Variants in CSMD1 observed in about 807,000 individuals in gnomAD.
The protein encoded by CSMD1 is CUB and sushi domain-containing protein 1.
Under a neutral mutation model 417.5 loss-of-function variants are expected in CSMD1, and 213 were observed. That is an observed-to-expected ratio of 0.51 (90% CI 0.46 to 0.57). The LOEUF (loss-of-function observed/expected upper bound fraction) is 0.57. Among genes scored for constraint, CSMD1 ranks in the 20% least tolerant of loss-of-function variants. CSMD1 has a pLI of 0.00. For synonymous variants in CSMD1, 2,862 were observed against 1,736.8 expected (o/e 1.65, Z -16.11); for missense variants, 6,923 against 4,529.7 (o/e 1.53, Z -15.17).
chr8:3,845,372 C>T lies in CSMD1; in HGVS notation c.819-91330G>A, dbSNP rs1022553014. 2.6e-5 allele frequency among the ~76,000 whole-genome samples: 4 copies of T among 152,176 alleles called. No individual in the cohort carries two copies. The East Asian group carries it at 7.7e-4, about 29-fold the overall frequency. On this transcript the variant is annotated intron_variant, in intron 5 of 69. Coordinates refer to ENST00000635120, the MANE Select transcript of CSMD1 (RefSeq NM_033225.6). Reference sequence around the variant, plus strand: ...GCTCCTGGACCACACACCTGTACTGCATGGGACTGCCCTGAATACTGAAGG... The same window carrying T: ...GCTCCTGGACCACACACCTGTACTGTATGGGACTGCCCTGAATACTGAAGG...
intron 1 of CSMD1, among the ~76,000 whole-genome samples, chr8:4,892,955 G>C (rs1279706656): frequency 6.6e-6 from 1 of 152,052 alleles, no homozygotes; most frequent in Non-Finnish European, 1.5e-5. Flanking sequence ...ATTAATATGA[G>C]CATATTGTGA....
chr8:2,956,025 G>C (rs1356802091), intron 63 of CSMD1, among the ~76,000 whole-genome samples: 1 of 151,958 alleles, frequency 6.6e-6, no homozygotes, highest in African/African-American at 2.4e-5. Flanking sequence ...ACAGGCATGA[G>C]CCACTACACC....
Position 4,684,370 on chromosome 8 carries a change from A to C in CSMD1, c.86-46812T>G, listed in dbSNP as rs148206085. ...CTTCTTGATTCTCAAAATGAACTCT[A>C]TGAAGAAACTTACTCATCAAATTTC... is the stretch of plus-strand genomic sequence containing the variant. On this transcript the variant is annotated intron_variant, in intron 1 of 69. Transcript: ENST00000635120. 9.2e-5 allele frequency among the ~76,000 whole-genome samples: 14 copies of C among 152,362 alleles called. No homozygotes were observed. In the East Asian group the frequency reaches 2.7e-3, roughly 29 times the overall value.
At chr8:3,283,726 A>G (rs900512112) in intron 26 of CSMD1, among the ~76,000 whole-genome samples, 1 of 152,218 alleles carries the variant, frequency 6.6e-6, no homozygotes, top group African/African-American at 2.4e-5. Flanking sequence ...ATGAAGACAT[A>G]GACACACAGG....
intron 3 of CSMD1, among the ~76,000 whole-genome samples, chr8:4,037,333 T>A (rs1797674037): frequency 6.6e-6 from 1 of 152,196 alleles, no homozygotes; most frequent in Non-Finnish European, 1.5e-5. Flanking sequence ...TCCCAGAACC[T>A]ACCAAGCACT....
intron 7 of CSMD1, among the ~76,000 whole-genome samples, chr8:3,619,017 G>C (rs143840273): frequency 1.3e-5 from 2 of 152,274 alleles, no homozygotes; most frequent in African/African-American, 2.4e-5. Context: ...GCCATGAAAG[G>C]CTGTGACAAG....
intron 3 of CSMD1, among the ~76,000 whole-genome samples, chr8:4,268,561 T>G (rs1340980058): frequency 1.3e-5 from 2 of 152,164 alleles, no homozygotes; most frequent in Admixed American, 6.5e-5. Flanking sequence ...CTTGAAAGAT[T>G]AGAGATGAAT....
At chr8:4,038,468 A>C (rs546921577) in intron 3 of CSMD1, among the ~76,000 whole-genome samples, 2 of 152,306 alleles carry the variant, frequency 1.3e-5, no homozygotes, top group East Asian at 3.9e-4. Context: ...TTAGTGTTCG[A>C]GAAAAACTAA....
chr8:4,608,770 G>T (rs1367037051), intron 2 of CSMD1, among the ~76,000 whole-genome samples: 2 of 152,154 alleles, frequency 1.3e-5, no homozygotes, highest in African/African-American at 4.8e-5. Flanking sequence ...TGTTCAGGAG[G>T]CTGGAAAATA....
At chr8:4,121,622 A>T (rs1484913509) in intron 3 of CSMD1, among the ~76,000 whole-genome samples, 10 of 38,602 alleles carry the variant, frequency 2.6e-4, no homozygotes, top group Admixed American at 5.4e-4. Flanking sequence ...ACCTAGTTTA[A>T]AAAAAAAAAA....
At chr8:4,956,557 CAT>C (rs966287046) in intron 1 of CSMD1, among the ~76,000 whole-genome samples, 13 of 149,278 alleles carry the variant, frequency 8.7e-5, no homozygotes, top group African/African-American at 1.7e-4. Context: ...TATATCATAA[CAT>C]ATAATATATT....
intron 12 of CSMD1, among the ~76,000 whole-genome samples, chr8:3,427,014 T>A (rs1403698398): frequency 1.3e-5 from 2 of 152,148 alleles, no homozygotes; most frequent in African/African-American, 4.8e-5. Context: ...CAGGGGGAAT[T>A]ACCAAACACT....
rs1176670580 is a variant in CSMD1, at chr8:4,289,409, G to A, written c.415+130544C>T. 2.2e-4 allele frequency among the ~76,000 whole-genome samples: 3 copies of A among 13,926 alleles called. No homozygotes were observed. In the Non-Finnish European group the frequency reaches 4.2e-3, roughly 20 times the overall value. 9.1% of individuals were successfully genotyped at this position (13,926 alleles called of 152,430 possible). A position where few individuals can be genotyped will look rare whatever the true frequency, so the allele number is the denominator to read the frequency against. On this transcript the variant is annotated intron_variant, in intron 3 of 69. Coordinates refer to ENST00000635120, the MANE Select transcript of CSMD1 (RefSeq NM_033225.6). The stretch of plus-strand genomic sequence containing the variant: ...CAATTAGTTAAAGTAGAGGGAGCCA[G>A]GGCCTGTGTTTCTCCTATTTTTTGC...
At chr8:4,313,302 A>ATAGCTAGCTGAGTCCCTAGAGAGGGAG (rs1798733480) in intron 3 of CSMD1, among the ~76,000 whole-genome samples, 1 of 152,106 alleles carries the variant, frequency 6.6e-6, no homozygotes, top group Non-Finnish European at 1.5e-5. Context: ...AATCTGGTTA[A>ATAGCTAGCTGAGTCCCTAGAGAGGGAG]TAGCTAGCTG....
At chr8:3,503,793 C>T (rs1292026192) in intron 10 of CSMD1, among the ~76,000 whole-genome samples, 2 of 151,868 alleles carry the variant, frequency 1.3e-5, no homozygotes, top group African/African-American at 2.4e-5. Flanking sequence ...AAAAGCAGCC[C>T]CCCTCTTTCC....
At chr8:3,971,031 A>G (rs1813048418) in intron 5 of CSMD1, among the ~76,000 whole-genome samples, 2 of 152,316 alleles carry the variant, frequency 1.3e-5, no homozygotes, top group Middle Eastern at 3.4e-3. Context: ...GATTTTAGGC[A>G]TGAGTCACCG....
chr8:3,234,217 A>G (rs543430849), intron 26 of CSMD1, among the ~76,000 whole-genome samples: 1 of 152,156 alleles, frequency 6.6e-6, no homozygotes, highest in African/African-American at 2.4e-5. Context: ...TCTGCATTTC[A>G]TATCAACCGG....
At chr8:3,778,504 C>T (rs1367315460) in intron 5 of CSMD1, among the ~76,000 whole-genome samples, 1 of 152,238 alleles carries the variant, frequency 6.6e-6, no homozygotes, top group Non-Finnish European at 1.5e-5. Flanking sequence ...TTGCCCCCAT[C>T]CCTACCTTCT....
rs886965076 is a variant in CSMD1 at position 3,408,918 on chromosome 8, TA to T, written c.1744+504del. Among the ~76,000 whole-genome samples, 14 of 152,052 alleles carry T rather than the reference TA, an allele frequency of 9.2e-5. No homozygotes were observed. The South Asian group carries it at 1.7e-3, about 18-fold the overall frequency. Reference sequence around the variant, plus strand: ...AGCCTTTGCTATAGTTATTTACAAATAAAAAAAACCTCTCCTTTAAAATCGA... The same window carrying T: ...AGCCTTTGCTATAGTTATTTACAAATAAAAAAACCTCTCCTTTAAAATCGA... On this transcript the variant is annotated intron_variant, in intron 13 of 69. Coordinates refer to ENST00000635120, the MANE Select transcript of CSMD1 (RefSeq NM_033225.6).
Sources: gnomAD v4.1 joint callset for allele counts (sites outside exome capture counted in the v4.1 genomes callset) on GRCh38, gnomAD v4.1.1 for gene constraint, MANE v1.5 for transcripts, NCBI Gene and HGNC (gene_info 2026-07-23, HGNC 2026-07-21) for gene names.